Variants in DNAJB4 observed in about 807,000 individuals in gnomAD.
The protein encoded by DNAJB4 is dnaJ homolog subfamily B member 4.
A neutral mutation model predicts 26.6 loss-of-function variants in DNAJB4; 10 were observed. The observed-to-expected ratio is 0.38, with a 90% CI of 0.23 to 0.64. The LOEUF is 0.64. Among genes scored for constraint, DNAJB4 ranks in the 30% least tolerant of loss-of-function variants. The pLI, the probability that DNAJB4 is intolerant of heterozygous loss-of-function variation, is 0.58. For missense variants in DNAJB4, 328 were observed against 408.2 expected (o/e 0.80, Z 1.69); for synonymous variants, 136 against 134.8 (o/e 1.01, Z -0.06).
upstream of DNAJB4, among the ~76,000 whole-genome samples, chr1:78,004,121 A>T (rs1255689633): frequency 6.6e-6 from 1 of 152,164 alleles, no homozygotes; most frequent in African/African-American, 2.4e-5. Flanking sequence ...GTAACCTGAT[A>T]CTTTGTTCTA....
chr1:77,980,339 A>ATATATATGTGTGTGTG (rs1477495217), intron 1 of DNAJB4: 2 of 126,070 alleles, frequency 1.6e-5, no homozygotes, highest in African/African-American at 7.8e-5. Context: ...ATATATATAT[A>ATATATATGTGTGTGTG]TGTGTGTGTG....
intron 1 of DNAJB4, among the ~76,000 whole-genome samples, chr1:78,008,544 T>C (rs1660387992): frequency 6.6e-6 from 1 of 152,116 alleles, no homozygotes; most frequent in East Asian, 1.9e-4. Flanking sequence ...GGCCAGTATA[T>C]AGAAAAAGAA....
chr1:78,007,160 GT>G (rs903598842), intron 1 of DNAJB4, among the ~76,000 whole-genome samples: 75 of 146,172 alleles, frequency 5.1e-4, no homozygotes, highest in South Asian at 6.5e-4. Flanking sequence ...TATACCCTGG[GT>G]TTTTTTTTTT....
chr1:77,990,456 T>G (rs1296133813), intron 1 of DNAJB4, among the ~76,000 whole-genome samples: 1 of 152,238 alleles, frequency 6.6e-6, no homozygotes, highest in African/African-American at 2.4e-5. Context: ...TGTGTTGGTT[T>G]TTGGTGAGTC....
At chr1:77,989,729 C>T (rs1231157959) in intron 1 of DNAJB4, among the ~76,000 whole-genome samples, 3 of 152,194 alleles carry the variant, frequency 2.0e-5, no homozygotes, top group African/African-American at 7.2e-5. Context: ...ATGCCTTCAG[C>T]TCCAAGTAAG....
At position 78,017,822 on chromosome 1, in the gene DNAJB4, A is replaced by G. The variant is rs933967184; in HGVS notation, c.*1575A>G. The G allele has an allele frequency of 3.4e-5, 5 of 146,648 alleles. No homozygotes were observed. Among genetic ancestry groups the G allele is most frequent in the African/African-American group, 5.1e-5 (2 of 39,448 alleles). The allele number at this position is 146,648 out of a possible 1,614,324, so 9.1% of individuals were successfully genotyped here. ...ATTTAGCTTAATGTTTTCAAGGTTC[A>G]TCTATGTTGTATCACGTATCAGTAC... is the stretch of plus-strand genomic sequence containing the variant. On this transcript the variant is annotated 3_prime_UTR_variant, in exon 3 of 3. Transcript: ENST00000370763.
At chr1:77,991,429 C>T (rs1659929270) in intron 1 of DNAJB4, among the ~76,000 whole-genome samples, 1 of 152,142 alleles carries the variant, frequency 6.6e-6, no homozygotes, top group African/African-American at 2.4e-5. Context: ...TAGACATACG[C>T]ATGTTCAGAG....
intron 1 of DNAJB4, among the ~76,000 whole-genome samples, chr1:77,985,683 A>G (rs908615559): frequency 3.3e-5 from 5 of 152,080 alleles, no homozygotes; most frequent in African/African-American, 1.2e-4. Flanking sequence ...GAAGATTGAG[A>G]GGTTTTAGTT....
At chr1:77,996,612 G>A (rs902918075) in intron 1 of DNAJB4, among the ~76,000 whole-genome samples, 3 of 151,648 alleles carry the variant, frequency 2.0e-5, no homozygotes, top group Non-Finnish European at 4.4e-5. Flanking sequence ...AAGACCACTA[G>A]ACAAAAAAAT....
intron 1 of DNAJB4, among the ~76,000 whole-genome samples, chr1:77,997,077 T>A (rs1234624381): frequency 6.6e-6 from 1 of 152,192 alleles, no homozygotes; most frequent in African/African-American, 2.4e-5. Context: ...TGGGAATAAA[T>A]GGACACTTAA....
At chr1:77,983,107 G>A (rs1412639817) in intron 1 of DNAJB4, among the ~76,000 whole-genome samples, 1 of 152,198 alleles carries the variant, frequency 6.6e-6, no homozygotes, top group Non-Finnish European at 1.5e-5. Context: ...AGACAATTGT[G>A]GGGAGAGGGT....
chr1:78,003,724 A>G (rs1289021425), upstream of DNAJB4, among the ~76,000 whole-genome samples: 1 of 152,216 alleles, frequency 6.6e-6, no homozygotes, highest in Admixed American at 6.5e-5. Flanking sequence ...AGTTATATAC[A>G]TAGAAAATGT....
intron 1 of DNAJB4, among the ~76,000 whole-genome samples, chr1:77,993,312 C>A (rs916358294): frequency 6.6e-6 from 1 of 151,868 alleles, no homozygotes; most frequent in Non-Finnish European, 1.5e-5. Flanking sequence ...ACTCCTTTTT[C>A]TTTTATTTTT....
intron 1 of DNAJB4, among the ~76,000 whole-genome samples, chr1:77,987,134 A>C (rs552473325): frequency 2.0e-5 from 3 of 152,204 alleles, no homozygotes; most frequent in African/African-American, 7.2e-5. Context: ...GAGAGGCCCC[A>C]CTTTCCTAGT....
At chr1:77,979,350 G>A (rs986831531), upstream of DNAJB4, 4 of 264,978 alleles carry the variant, frequency 1.5e-5, no homozygotes, top group Admixed American at 9.9e-5. Flanking sequence ...AGTTGACTGC[G>A]ACTGTGTTTG....
chr1:77,992,412 CAAAAAAAAAAAAA>C (rs67649336), intron 1 of DNAJB4, among the ~76,000 whole-genome samples: 5 of 47,742 alleles, frequency 1.0e-4, no homozygotes, highest in Non-Finnish European at 1.1e-4. Context: ...GACTCCGTCT[CAAAAAAAAAAAAA>C]AAAAAAAAAA....
chr1:78,016,374 A>T lies in DNAJB4; in HGVS notation c.*127A>T, dbSNP rs1660643687. 2 of 771,824 alleles carry T rather than the reference A, an allele frequency of 2.6e-6. No individual in the cohort carries two copies. The highest frequency in any genetic ancestry group is 3.5e-5 in the African/African-American group (2 of 56,886). 47.8% of individuals were successfully genotyped at this position (771,824 alleles called of 1,614,324 possible). Reference sequence around the variant, plus strand: ...TTCTTTTGAGGGTTCATTAAATTGCATGAATAGAGACGGGTCAAATAAATA... The same window carrying T: ...TTCTTTTGAGGGTTCATTAAATTGCTTGAATAGAGACGGGTCAAATAAATA... On this transcript the variant is annotated 3_prime_UTR_variant, in exon 3 of 3. Coordinates refer to ENST00000370763, the MANE Select transcript of DNAJB4 (RefSeq NM_007034.5).
In DNAJB4 at chr1:77,980,323, G is replaced by GTATATATATATA. The variant is rs747704137; in HGVS notation, c.-32+7_-32+18dup. 10 of 141,236 alleles carry GTATATATATATA rather than the reference G, an allele frequency of 7.1e-5. No homozygotes were observed. Among genetic ancestry groups the GTATATATATATA allele is most frequent in the African/African-American group, 2.7e-4 (10 of 37,066 alleles). The allele number at this position is 141,236 out of a possible 1,614,324, so 8.7% of individuals were successfully genotyped here. On this transcript the variant is annotated splice_donor_variant, in intron 1 of 2. Transcript: ENST00000426517. LOFTEE classifies it low-confidence loss of function (5UTR_SPLICE). ...TTCTGAATTGTCATCACAGGACTAGGTATATATATATATATATGTGTGTGT... is the reference window on the plus strand; with the variant it reads ...TTCTGAATTGTCATCACAGGACTAGGTATATATATATATATATATATATATATATGTGTGTGT...
intron 1 of DNAJB4, among the ~76,000 whole-genome samples, chr1:77,985,092 AC>A (rs11308474): frequency 0.048 from 7,372 of 152,242 alleles, 396 homozygotes; most frequent in African/African-American, 0.14. Flanking sequence ...AGAACCAAAA[AC>A]ATCTTAATTT....
Sources: gnomAD v4.1 joint callset for allele counts (sites outside exome capture counted in the v4.1 genomes callset) on GRCh38, gnomAD v4.1.1 for gene constraint, MANE v1.5 for transcripts, NCBI Gene and HGNC (gene_info 2026-07-23, HGNC 2026-07-21) for gene names.